The following DLG2 variants were observed in gnomAD, a reference collection of about 807,000 sequenced individuals.
DLG2 encodes discs large MAGUK scaffold protein 2.
A neutral mutation model predicts 132.5 loss-of-function variants in DLG2; 45 were observed. The observed-to-expected ratio is 0.34, with a 90% CI of 0.27 to 0.44. The LOEUF is 0.44. Among genes scored for constraint, DLG2 ranks in the 20% least tolerant of loss-of-function variants. The pLI is 1.00. For missense variants in DLG2, 1,045 were observed against 1,196.9 expected (o/e 0.87, Z 1.87); for synonymous variants, 424 against 419.6 (o/e 1.01, Z -0.13).
chr11:83,808,534 C>T (rs1328479603), intron 17 of DLG2, among the ~76,000 whole-genome samples: 1 of 152,172 alleles, frequency 6.6e-6, no homozygotes, highest in African/African-American at 2.4e-5. Flanking sequence ...AAACTCCATT[C>T]ACTGCACTAA....
At chr11:84,512,808 T>TA (rs2099260817) in intron 7 of DLG2, among the ~76,000 whole-genome samples, 2 of 151,284 alleles carry the variant, frequency 1.3e-5, no homozygotes, top group Non-Finnish European at 2.9e-5. Context: ...TACACAGCCA[T>TA]AAAAAAGAAT....
At chr11:84,807,043 T>C (rs966416056) in intron 6 of DLG2, among the ~76,000 whole-genome samples, 3 of 151,956 alleles carry the variant, frequency 2.0e-5, no homozygotes, top group Non-Finnish European at 2.9e-5. Context: ...GACCCAAACA[T>C]ACTCTAGGAA....
intron 21 of DLG2, among the ~76,000 whole-genome samples, chr11:83,497,293 A>G (rs1024490851): frequency 6.6e-6 from 1 of 152,240 alleles, no homozygotes; most frequent in Admixed American, 6.5e-5. Flanking sequence ...CTGTAATCCC[A>G]GCACTTTGGG....
chr11:84,969,016 G>A (rs1343580409), intron 6 of DLG2, among the ~76,000 whole-genome samples: 2 of 150,590 alleles, frequency 1.3e-5, no homozygotes, highest in African/African-American at 4.9e-5. Context: ...TCAGTTGAAA[G>A]CCTCTCTACT....
At chr11:84,768,961 T>C (rs2068837800) in intron 6 of DLG2, among the ~76,000 whole-genome samples, 1 of 152,114 alleles carries the variant, frequency 6.6e-6, no homozygotes, top group African/African-American at 2.4e-5. Flanking sequence ...ATTAATAACA[T>C]TGTAGGGAAA....
At chr11:85,018,692 G>T (rs1345771163) in intron 6 of DLG2, among the ~76,000 whole-genome samples, 1 of 151,866 alleles carries the variant, frequency 6.6e-6, no homozygotes, top group Admixed American at 6.6e-5. Flanking sequence ...GATGGCCCAA[G>T]TAAGTACGAT....
intron 6 of DLG2, among the ~76,000 whole-genome samples, chr11:84,695,918 A>G (rs79851103): frequency 0.03 from 4,573 of 151,506 alleles, 181 homozygotes; most frequent in African/African-American, 0.084. Flanking sequence ...TCCCTATACT[A>G]GGCTGTCTGC....
chr11:83,743,142 A>C (rs550726157), intron 18 of DLG2, among the ~76,000 whole-genome samples: 14 of 152,200 alleles, frequency 9.2e-5, no homozygotes, highest in Non-Finnish European at 1.9e-4. Context: ...ATTTAGCTCT[A>C]CAATTCATGT....
At chr11:85,387,481 G>C (rs996002708) in intron 3 of DLG2, among the ~76,000 whole-genome samples, 1 of 152,172 alleles carries the variant, frequency 6.6e-6, no homozygotes, top group African/African-American at 2.4e-5. Context: ...TACACTCAAT[G>C]TGTAACATTT....
chr11:85,336,767 G>A (rs1395506433), intron 3 of DLG2, among the ~76,000 whole-genome samples: 1 of 152,182 alleles, frequency 6.6e-6, no homozygotes, highest in Non-Finnish European at 1.5e-5. Flanking sequence ...CAATCTCCCA[G>A]TGCCAAACTG....
intron 18 of DLG2, among the ~76,000 whole-genome samples, chr11:83,785,570 A>T (rs1476602041): frequency 1.3e-5 from 2 of 152,254 alleles, no homozygotes; most frequent in African/African-American, 4.8e-5. Flanking sequence ...ATTTTGAATA[A>T]ATTAATTTCA....
intron 3 of DLG2, among the ~76,000 whole-genome samples, chr11:85,485,432 C>G (rs182187059): frequency 1.8e-4 from 27 of 152,214 alleles, no homozygotes; most frequent in Non-Finnish European, 3.1e-4. Context: ...AAGGATGGGT[C>G]AGGATCACTC....
At position 84,172,549 on chromosome 11, in the gene DLG2, ATTTATTTATTTG is replaced by A. The variant is rs781460065; in HGVS notation, c.574-9050_574-9039del. On this transcript the variant is annotated intron_variant, in intron 8 of 27. Transcript: ENST00000376104. ...TATTTATTTATTTATTTATTTATTT[ATTTATTTATTTG>A]AGGTGGAGTCTTGCTCTGTTGCCCA... 5.0e-4 allele frequency among the ~76,000 whole-genome samples: 55 copies of A among 109,950 alleles called. 1 individual carries two copies. The highest frequency in any genetic ancestry group is 5.3e-3 in the Middle Eastern group (1 of 190). The allele number at this position is 109,950 out of a possible 152,430, so 72.1% of individuals were successfully genotyped here. A position where few individuals can be genotyped will look rare whatever the true frequency, so the allele number is the denominator to read the frequency against.
intron 6 of DLG2, among the ~76,000 whole-genome samples, chr11:84,701,151 C>A (rs1035561035): frequency 4.6e-5 from 7 of 151,648 alleles, no homozygotes; most frequent in African/African-American, 1.7e-4. Context: ...CTCCTGTTCA[C>A]AGGCACCTGT....
In DLG2 at chr11:84,889,137, C is replaced by G. The variant is rs368779583; in HGVS notation, c.357+222524G>C. The stretch of plus-strand genomic sequence containing the variant: ...TAAACTTACAGATATTTATTTAGAC[C>G]TTTTCATGGAGTCTACCATGGCTTA... On this transcript the variant is annotated intron_variant, in intron 6 of 27. Transcript: ENST00000376104. Among the ~76,000 whole-genome samples the G allele has an allele frequency of 2.6e-5, 4 of 151,982 alleles. No homozygotes were observed. In the South Asian group the frequency reaches 8.3e-4, roughly 31 times the overall value.
In DLG2 at chr11:84,021,009, T is replaced by C. The variant is rs542973330; in HGVS notation, c.919+38306A>G. On this transcript the variant is annotated intron_variant, in intron 11 of 27. Coordinates refer to ENST00000376104, the MANE Select transcript of DLG2 (RefSeq NM_001142699.3). ...GCCTTGGGCAGATTGATGTCCCAAA[T>C]CAGCAAACAATATAGAAAGGGTATA... 1.2e-4 allele frequency among the ~76,000 whole-genome samples: 18 copies of C among 152,182 alleles called. 1 individual carries two copies. The East Asian group carries it at 3.5e-3, about 29-fold the overall frequency.
chr11:84,736,294 A>C (rs2063819823), intron 6 of DLG2, among the ~76,000 whole-genome samples: 2 of 151,906 alleles, frequency 1.3e-5, no homozygotes, highest in Non-Finnish European at 1.5e-5. Flanking sequence ...TTATTGAAAC[A>C]ACTTTGTTCT....
intron 18 of DLG2, among the ~76,000 whole-genome samples, chr11:83,724,102 G>C (rs1367218457): frequency 1.3e-5 from 2 of 152,160 alleles, no homozygotes; most frequent in African/African-American, 4.8e-5. Flanking sequence ...CCTGGAGGAT[G>C]TTAGAGTCTA....
chr11:84,406,681 G>A (rs1028937160), intron 7 of DLG2, among the ~76,000 whole-genome samples: 3 of 152,120 alleles, frequency 2.0e-5, no homozygotes, highest in African/African-American at 7.2e-5. Flanking sequence ...CTCTTGGCCT[G>A]CCTTTTTCAA....
Sources: gnomAD v4.1 joint callset for allele counts (sites outside exome capture counted in the v4.1 genomes callset) on GRCh38, gnomAD v4.1.1 for gene constraint, MANE v1.5 for transcripts, NCBI Gene and HGNC (gene_info 2026-07-23, HGNC 2026-07-21) for gene names.